RAD52: variants seen among roughly 807,000 people sequenced by gnomAD.
RAD52 encodes the protein DNA repair protein RAD52 homolog.
A neutral mutation model predicts 55.5 loss-of-function variants in RAD52; 47 were observed. That is an observed-to-expected ratio of 0.85 (90% CI 0.67 to 1.08). The LOEUF (loss-of-function observed/expected upper bound fraction) is 1.08, where lower values mean the gene tolerates loss of function less well. Among genes scored for constraint, RAD52 ranks in the 50% least tolerant of loss-of-function variants. RAD52 has a pLI of 0.00. For missense variants in RAD52, 468 were observed against 522.8 expected, an observed-to-expected ratio of 0.90 and a Z score of 1.02; for synonymous variants, 184 against 198.9, an observed-to-expected ratio of 0.92 and a Z score of 0.63.
chr12:967,015 T>C (rs992346014), intron 1 of RAD52, among the ~76,000 whole-genome samples: 5 of 152,058 alleles, frequency 3.3e-5, no homozygotes, highest in African/African-American at 1.2e-4. Flanking sequence ...GTTCACTTCC[T>C]GCTTGGTGCA....
intron 1 of RAD52, among the ~76,000 whole-genome samples, chr12:971,622 T>C (rs1435284605): frequency 6.6e-6 from 1 of 152,196 alleles, no homozygotes; most frequent in Non-Finnish European, 1.5e-5. Flanking sequence ...TAAATAAATA[T>C]GGAAAGATAA....
rs768836719 is a variant in RAD52 at position 916,735 on chromosome 12, G to A, written c.629C>T (p.Pro210Leu). 5.6e-6 allele frequency: 9 copies of A among 1,614,088 alleles called. No homozygotes were observed. The highest frequency in any genetic ancestry group is 7.6e-6 in the Non-Finnish European group (9 of 1,179,970). ...VEEARYNSCRPNMALGHPQLQ... is the reference protein window; with the variant it reads ...VEEARYNSCRLNMALGHPQLQ... ...CTGTGGGTGTCCCAGGGCCATGTTCGGTCGGCAGCTGTTGTATCTTGCCTC... is the reference window on the plus strand; with the variant it reads ...CTGTGGGTGTCCCAGGGCCATGTTCAGTCGGCAGCTGTTGTATCTTGCCTC... Residue 210 changes from proline to leucine, a missense_variant, in exon 8 of 12, where the codon CCG (proline) becomes CTG (leucine). Pro to Leu is a moderately conservative substitution (Grantham distance 98). Transcript: ENST00000358495.
intron 1 of RAD52, among the ~76,000 whole-genome samples, chr12:943,772 G>A (rs1304942680): frequency 6.8e-6 from 1 of 147,040 alleles, no homozygotes; most frequent in Non-Finnish European, 1.5e-5. Context: ...TTATCTTTGT[G>A]TGTGTGGTTT....
intron 1 of RAD52, among the ~76,000 whole-genome samples, chr12:937,102 A>T (rs2154116447): frequency 6.6e-6 from 1 of 152,324 alleles, no homozygotes; most frequent in East Asian, 1.9e-4. Context: ...CCAGTGAGAT[A>T]CAGAAGCTGA....
chr12:986,339 C>T (rs1391264346), intron 1 of RAD52, among the ~76,000 whole-genome samples: 1 of 151,992 alleles, frequency 6.6e-6, no homozygotes, highest in African/African-American at 2.4e-5. Context: ...GCTGGGATTA[C>T]AGGAGTGAAC....
In RAD52 at chr12:988,211, C is replaced by T. The variant is rs193260056; in HGVS notation, c.-19+1598G>A. Among the ~76,000 whole-genome samples, 100 of 152,308 alleles carry T rather than the reference C, an allele frequency of 6.6e-4. 1 individual carries two copies. The highest frequency in any genetic ancestry group is 2.7e-3 in the Admixed American group (41 of 15,304). The stretch of plus-strand genomic sequence containing the variant: ...GCTTCTTCTATTTTCTTTAAAAGTT[C>T]AGTGACTTTATCTTTCAATATTTTA... On this transcript the variant is annotated intron_variant, in intron 1 of 11. Transcript: ENST00000430095.
At chr12:988,230 TA>T (rs1959112532) in intron 1 of RAD52, among the ~76,000 whole-genome samples, 1 of 152,258 alleles carries the variant, frequency 6.6e-6, no homozygotes, top group South Asian at 2.1e-4. Context: ...TATCTTTCAA[TA>T]TTTTAATTGA....
chr12:978,890 GTAGATAGA>G (rs55957803), intron 1 of RAD52, among the ~76,000 whole-genome samples: 5 of 149,522 alleles, frequency 3.3e-5, no homozygotes, highest in South Asian at 2.1e-4. Flanking sequence ...TAGATGATAG[GTAGATAGA>G]TAGATAGATA....
chr12:952,698 C>A (rs575649201), upstream of RAD52, among the ~76,000 whole-genome samples: 3 of 150,944 alleles, frequency 2.0e-5, no homozygotes, highest in African/African-American at 7.3e-5. Flanking sequence ...TCGAGATCAG[C>A]CTGGCCAACA....
chr12:987,366 G>C (rs1316050416), intron 1 of RAD52, among the ~76,000 whole-genome samples: 1 of 70,176 alleles, frequency 1.4e-5, no homozygotes. Context: ...TCACATGGTT[G>C]AATTTTTTTT....
intron 1 of RAD52, among the ~76,000 whole-genome samples, chr12:973,130 C>T (rs958251703): frequency 2.6e-5 from 4 of 151,342 alleles, no homozygotes; most frequent in Admixed American, 6.6e-5. Flanking sequence ...AGTGCAGTGG[C>T]GCGATCTCGG....
intron 5 of RAD52, among the ~76,000 whole-genome samples, chr12:927,944 G>C (rs922873393): frequency 2.6e-5 from 4 of 152,128 alleles, no homozygotes; most frequent in African/African-American, 9.7e-5. Context: ...GGACGGGAGA[G>C]CAAACCCTTT....
intron 1 of RAD52, among the ~76,000 whole-genome samples, chr12:964,566 A>T (rs949006730): frequency 2.0e-5 from 3 of 151,892 alleles, no homozygotes; most frequent in African/African-American, 7.3e-5. Flanking sequence ...CACAAAAAAA[A>T]CAATCAGATT....
At chr12:974,492 G>A (rs969333205) in intron 1 of RAD52, 6 of 152,362 alleles carry the variant, frequency 3.9e-5, no homozygotes, top group African/African-American at 2.4e-5. Context: ...GGGGAGGTCC[G>A]AGGGAACTGA....
Position 927,211 on chromosome 12 carries a change from G to A in RAD52, c.401C>T (p.Ser134Phe). 6.2e-7 allele frequency: 1 copy of A among 1,614,130 alleles called. No individual in the cohort carries two copies. Among genetic ancestry groups the A allele is most frequent in the Non-Finnish European group, 8.5e-7 (1 of 1,180,020 alleles). Residue 134 changes from serine to phenylalanine, a missense_variant, in exon 6 of 12, where the codon TCC (serine) becomes TTC (phenylalanine). Coordinates refer to ENST00000358495, the MANE Select transcript of RAD52 (RefSeq NM_134424.4). ...VGYGVSEGLK[S>F]KALSLEKARK... ...TGCCTTCTCCAAAGATAAAGCCTTG[G>A]ACTTGAGGCCCTCACTAACACCATA...
At chr12:914,651 A>G in intron 9 of RAD52, 119 bp from the exon 10 acceptor site, 1 of 1,179,910 alleles carries the variant, frequency 8.5e-7, no homozygotes, top group Non-Finnish European at 1.2e-6. Flanking sequence ...AACACCGCTT[A>G]GGGCTGCGCT....
chr12:943,256 C>G (rs527722793), intron 1 of RAD52, among the ~76,000 whole-genome samples: 8 of 152,312 alleles, frequency 5.3e-5, no homozygotes, highest in African/African-American at 1.7e-4. Flanking sequence ...TTAATGCACA[C>G]TACTCTTCAT....
In RAD52 at chr12:923,688, A is replaced by C. The variant is rs142332977; in HGVS notation, c.543+1762T>G. On this transcript the variant is annotated intron_variant, in intron 7 of 11. Transcript: ENST00000358495. The stretch of plus-strand genomic sequence containing the variant: ...TCTTAGTTCTGCAGATCAATTTCAC[A>C]ACAATGGGAATACACTTAACACTAC... Among the ~76,000 whole-genome samples the C allele has an allele frequency of 2.3e-4, 35 of 152,284 alleles. No homozygotes were observed. The East Asian group carries it at 6.4e-3, about 28-fold the overall frequency.
chr12:958,948 G>A (rs138204759), intron 1 of RAD52, among the ~76,000 whole-genome samples: 10 of 152,248 alleles, frequency 6.6e-5, no homozygotes, highest in African/African-American at 2.4e-4. Context: ...ATCCTCAGGG[G>A]ATAAAGTATT....
Sources: allele counts gnomAD v4.1 joint callset (sites outside exome capture counted in the v4.1 genomes callset), GRCh38; gene constraint gnomAD v4.1.1; transcripts MANE v1.5; gene names NCBI Gene and HGNC (gene_info 2026-07-23, HGNC 2026-07-21).